Variants in PDCD11 observed in about 807,000 individuals in gnomAD.
PDCD11 encodes the protein programmed cell death 11.
In PDCD11, 97 loss-of-function variants were observed where a neutral mutation model predicts 198.9. The ratio of observed to expected loss-of-function variants is 0.49; its 90% CI spans 0.41 to 0.58. PDCD11 has a LOEUF of 0.58. PDCD11 is among the 20% of genes least tolerant of loss of function. PDCD11 has a pLI of 0.00. For missense variants in PDCD11, 2,102 were observed against 2,312.7 expected, an observed-to-expected ratio of 0.91 and a Z score of 1.87; for synonymous variants, 893 against 918.0, an observed-to-expected ratio of 0.97 and a Z score of 0.49.
chr10:103,438,781 C>A lies in PDCD11; in HGVS notation c.3998C>A (p.Ser1333Tyr). 1 of 1,614,112 alleles carries A rather than the reference C, an allele frequency of 6.2e-7. No individual in the cohort carries two copies. Among genetic ancestry groups the A allele is most frequent in the South Asian group, 1.1e-5 (1 of 91,070 alleles). The change falls in exon 27 of 36, where the codon TCC becomes TAC. Residue 1333 changes from serine to tyrosine, a missense_variant. Physicochemically the swap from Ser to Tyr is moderately radical, Grantham distance 144. Transcript: ENST00000369797. ...CAGCTTCTGAGGGGCTATGTAGGGT[C>A]CATCCAGCCACACGGTGTGTTCTTT... Reference protein sequence around the residue: ...EGQLLRGYVGSIQPHGVFFRL... With the variant: ...EGQLLRGYVGYIQPHGVFFRL...
chr10:103,416,797 A>C, intron 13 of PDCD11, 55 bp downstream of exon 13: 1 of 1,583,928 alleles, frequency 6.3e-7, no homozygotes, highest in Non-Finnish European at 8.6e-7. Context: ...ACAAACACAA[A>C]TATGAAGGAG....
intron 11 of PDCD11, among the ~76,000 whole-genome samples, 195 bp from the exon 12 acceptor site, chr10:103,414,810 G>T (rs574814036): frequency 6.6e-6 from 1 of 152,164 alleles, no homozygotes; most frequent in Admixed American, 6.6e-5. Context: ...AGATGTGAAG[G>T]CTCCCATAAA....
At chr10:103,444,781 C>A in intron 35 of PDCD11, 99 bp downstream of exon 35, 1 of 1,167,620 alleles carries the variant, frequency 8.6e-7, no homozygotes, top group Non-Finnish European at 1.3e-6. Flanking sequence ...CTTACTTGAT[C>A]TAGAAAACCA....
intron 34 of PDCD11, 198 bp downstream of exon 34, chr10:103,444,266 C>T (rs1440988094): frequency 1.7e-5 from 11 of 631,908 alleles, no homozygotes; most frequent in Admixed American, 5.9e-5. Flanking sequence ...AGGAACAAAA[C>T]GCAGTTAGTA....
At chr10:103,428,860 T>C (rs1438446511) in intron 21 of PDCD11, among the ~76,000 whole-genome samples, 1 of 152,154 alleles carries the variant, frequency 6.6e-6, no homozygotes, top group Non-Finnish European at 1.5e-5. Flanking sequence ...TGTAGAGTTA[T>C]AATAACAGAT....
intron 7 of PDCD11, among the ~76,000 whole-genome samples, chr10:103,408,525 T>A (rs956771448): frequency 4.6e-5 from 7 of 152,006 alleles, no homozygotes; most frequent in African/African-American, 1.7e-4. Context: ...TTTTAATTTT[T>A]AAAATTTTTA....
At chr10:103,398,625 A>G (rs558699570) in intron 2 of PDCD11, 97 bp downstream of exon 2, 4 of 809,422 alleles carry the variant, frequency 4.9e-6, no homozygotes, top group East Asian at 5.3e-5. Flanking sequence ...ATTTTTCCAG[A>G]TTTTTTTTGC....
chr10:103,434,946 G>A lies in PDCD11; in HGVS notation c.3816G>A (p.Leu1272=), dbSNP rs747085042. The A allele has an allele frequency of 1.9e-6, 3 of 1,583,774 alleles. No individual in the cohort carries two copies. The South Asian group carries it at 3.5e-5, about 18-fold the overall frequency. ...HMSDSYSETP[L]EDFVPQKVVR... is the part of the protein sequence containing the mutation. ...GTGACTCCTACTCCGAGACGCCCCT[G>A]GAAGACTTCGTCCCCCAGAAGGTTG... The change falls in exon 25 of 36, where the codon CTG becomes CTA. Residue 1272 remains leucine (L), a synonymous_variant. Coordinates refer to ENST00000369797, the MANE Select transcript of PDCD11 (RefSeq NM_014976.2).
intron 20 of PDCD11, among the ~76,000 whole-genome samples, chr10:103,426,398 A>G (rs546855950): frequency 2.0e-5 from 3 of 152,336 alleles, no homozygotes; most frequent in Middle Eastern, 3.4e-3. Context: ...CAGTAAGTCA[A>G]TTATCCTCTA....
intron 3 of PDCD11, among the ~76,000 whole-genome samples, chr10:103,400,733 A>G (rs1173087145): frequency 6.6e-6 from 1 of 151,940 alleles, no homozygotes; most frequent in Non-Finnish European, 1.5e-5. Flanking sequence ...GATGCCAGGA[A>G]TCTTTTCTTT....
intron 1 of PDCD11, among the ~76,000 whole-genome samples, chr10:103,397,211 CTTTTT>C (rs11316851): frequency 8.0e-6 from 1 of 124,836 alleles, no homozygotes; most frequent in Non-Finnish European, 1.7e-5. Flanking sequence ...CATTTGAATC[CTTTTT>C]TTTTTTTTTT....
intron 21 of PDCD11, among the ~76,000 whole-genome samples, chr10:103,427,977 T>G (rs571747621): frequency 6.6e-6 from 1 of 152,284 alleles, no homozygotes; most frequent in African/African-American, 2.4e-5. Flanking sequence ...GTTGTAAATC[T>G]TAATGCACCT....
chr10:103,403,184 A>G lies in PDCD11; in HGVS notation c.301A>G (p.Ser101Gly). Residue 101 changes from serine to glycine, a missense_variant, in exon 4 of 36, where the codon AGT becomes GGT. Coordinates refer to ENST00000369797, the MANE Select transcript of PDCD11 (RefSeq NM_014976.2). ...GGTGAATGAACTGGAACTGGTGATT[A>G]GTCTCCCCAATGGCCTCCAGGGCTT... ...KEVNELELVI[S>G]LPNGLQGFVQ... 6.2e-7 allele frequency: 1 copy of G among 1,614,120 alleles called. No homozygotes were observed. Among genetic ancestry groups the G allele is most frequent in the Non-Finnish European group, 8.5e-7 (1 of 1,179,940 alleles).
intron 14 of PDCD11, 56 bp downstream of exon 14, chr10:103,417,988 A>G (rs1234477447): frequency 1.3e-6 from 2 of 1,582,316 alleles, no homozygotes; most frequent in African/African-American, 1.4e-5. Context: ...AGAGCAGGGA[A>G]CCACTAACAC....
At chr10:103,399,491 T>C (rs865894682) in intron 2 of PDCD11, among the ~76,000 whole-genome samples, 4 of 152,168 alleles carry the variant, frequency 2.6e-5, no homozygotes, top group African/African-American at 9.7e-5. Flanking sequence ...ACAACAGGCA[T>C]GTTCCACTGT....
chr10:103,406,585 T>C, intron 6 of PDCD11, 24 bp from the exon 7 acceptor site: 2 of 1,603,570 alleles, frequency 1.2e-6, no homozygotes, highest in Admixed American at 1.7e-5. Flanking sequence ...TTTTTCCTTT[T>C]GGGGCCTGGG....
chr10:103,443,223 G>A lies in PDCD11; in HGVS notation c.5014G>A (p.Gly1672Ser), dbSNP rs1209177235. The change falls in exon 33 of 36, where the codon GGC becomes AGC. Residue 1672 changes from glycine (G) to serine (S), a missense_variant. Gly to Ser is a moderately conservative substitution (Grantham distance 56). Transcript: ENST00000369797. ...VALLNLENMYGSQESLTKVFE... is the reference protein window; with the variant it reads ...VALLNLENMYSSQESLTKVFE... ...TCTGCTGAACCTGGAGAACATGTAC[G>A]GCTCTCAGGAGTCCCTGACCAAGGT... 1.7e-5 allele frequency: 28 copies of A among 1,610,532 alleles called. No individual in the cohort carries two copies. Among genetic ancestry groups the A allele is most frequent in the Middle Eastern group, 1.6e-4 (1 of 6,070 alleles).
intron 2 of PDCD11, among the ~76,000 whole-genome samples, chr10:103,398,834 C>A (rs937909916): frequency 5.9e-5 from 9 of 152,166 alleles, no homozygotes; most frequent in African/African-American, 2.2e-4. Context: ...GCCTGGCCAA[C>A]ATGGTGAAAC....
chr10:103,412,219 G>T (rs2030843453), intron 8 of PDCD11, among the ~76,000 whole-genome samples: 1 of 151,842 alleles, frequency 6.6e-6, no homozygotes, highest in Admixed American at 6.6e-5. Flanking sequence ...GGAGTGCAGT[G>T]GCACAGTGTT....
Sources: allele counts gnomAD v4.1 joint callset (sites outside exome capture counted in the v4.1 genomes callset), GRCh38; gene constraint gnomAD v4.1.1; transcripts MANE v1.5; gene names NCBI Gene and HGNC (gene_info 2026-07-23, HGNC 2026-07-21).